The following RBFOX1 variants were observed in gnomAD, a reference collection of about 807,000 sequenced individuals.
The protein encoded by RBFOX1 is RNA binding fox-1 homolog 1, also known as RNA binding protein fox-1 homolog 1.
In RBFOX1, 8 loss-of-function variants were observed where a neutral mutation model predicts 57.7. The observed-to-expected ratio is 0.14, with a 90% CI of 0.08 to 0.25. The LOEUF (loss-of-function observed/expected upper bound fraction) is 0.25, where lower values mean the gene tolerates loss of function less well. Among genes scored for constraint, RBFOX1 ranks in the 10% least tolerant of loss-of-function variants. The pLI, the probability that RBFOX1 is intolerant of heterozygous loss-of-function variation, is 1.00. For missense variants in RBFOX1, 611 were observed against 548.5 expected, an observed-to-expected ratio of 1.11 and a Z score of -1.14; for synonymous variants, 326 against 222.4, an observed-to-expected ratio of 1.47 and a Z score of -4.15.
intron 3 of RBFOX1, among the ~76,000 whole-genome samples, chr16:6,772,163 G>T (rs2154213211): frequency 6.6e-6 from 1 of 152,182 alleles, no homozygotes; most frequent in Admixed American, 6.5e-5. Flanking sequence ...GTTCCGGTGT[G>T]GGCAAAGAGG....
At chr16:6,954,787 G>T (rs2081422391) in intron 3 of RBFOX1, among the ~76,000 whole-genome samples, 1 of 152,140 alleles carries the variant, frequency 6.6e-6, no homozygotes, top group Non-Finnish European at 1.5e-5. Flanking sequence ...TGAGCACCCA[G>T]TTTGAAGGCA....
intron 4 of RBFOX1, among the ~76,000 whole-genome samples, chr16:5,883,201 G>C (rs540507704): frequency 6.6e-6 from 1 of 151,968 alleles, no homozygotes; most frequent in African/African-American, 2.4e-5. Flanking sequence ...TTTTTTGCAG[G>C]AGGAGAGGAT....
intron 14 of RBFOX1, among the ~76,000 whole-genome samples, chr16:7,708,520 T>A (rs1213216203): frequency 1.3e-5 from 2 of 151,846 alleles, no homozygotes. Context: ...GGAATGGGGG[T>A]CCCACAGACC....
At chr16:7,459,020 G>T (rs986435160) in intron 4 of RBFOX1, among the ~76,000 whole-genome samples, 1 of 152,138 alleles carries the variant, frequency 6.6e-6, no homozygotes, top group Non-Finnish European at 1.5e-5. Flanking sequence ...ATGAATGGAT[G>T]GGTGAATGGA....
chr16:5,603,549 TA>T (rs1567285354), downstream of RBFOX1, among the ~76,000 whole-genome samples: 1 of 152,152 alleles, frequency 6.6e-6, no homozygotes, highest in Non-Finnish European at 1.5e-5. Flanking sequence ...TCAGGTAACA[TA>T]AAAATTACAC....
chr16:6,931,812 G>T (rs1268283101), intron 3 of RBFOX1, among the ~76,000 whole-genome samples: 3 of 152,144 alleles, frequency 2.0e-5, no homozygotes, highest in Admixed American at 6.5e-5. Context: ...AGTTTACTCA[G>T]TTATGATTTT....
intron 2 of RBFOX1, among the ~76,000 whole-genome samples, chr16:6,372,092 T>C (rs1294757020): frequency 6.6e-6 from 1 of 151,968 alleles, no homozygotes; most frequent in African/African-American, 2.4e-5. Context: ...GGTGGATGGG[T>C]GGAGTGGAGA....
At chr16:5,558,638 C>T (rs1292095754) in intron 2 of RBFOX1, among the ~76,000 whole-genome samples, 1 of 152,120 alleles carries the variant, frequency 6.6e-6, no homozygotes, top group Non-Finnish European at 1.5e-5. Context: ...AGAATAGTTT[C>T]AGTCTTGAGC....
chr16:7,153,501 C>G lies in RBFOX1; in HGVS notation c.27+101403C>G, dbSNP rs750004360. On this transcript the variant is annotated intron_variant, in intron 4 of 15. Transcript: ENST00000550418. ...TCTGTAATCCCAGCACTTTGGGAGG[C>G]TGCGGCAAGTGAATCACAAGGTCAA... 5.0e-4 allele frequency among the ~76,000 whole-genome samples: 76 copies of G among 151,840 alleles called. 2 individuals are homozygous for G. The highest frequency in any genetic ancestry group is 2.6e-4 in the Admixed American group (4 of 15,236).
At chr16:5,897,189 C>G (rs1272088963) in intron 4 of RBFOX1, among the ~76,000 whole-genome samples, 1 of 151,914 alleles carries the variant, frequency 6.6e-6, no homozygotes, top group African/African-American at 2.4e-5. Context: ...GCGCCCGCCA[C>G]CGCGCCCGGC....
intron 4 of RBFOX1, among the ~76,000 whole-genome samples, chr16:7,347,246 G>T (rs2097029067): frequency 6.6e-6 from 1 of 152,292 alleles, no homozygotes; most frequent in East Asian, 1.9e-4. Context: ...ACATACCGGA[G>T]ACTGGGCAAT....
chr16:7,550,012 C>T (rs1188728465), intron 5 of RBFOX1, among the ~76,000 whole-genome samples: 1 of 152,118 alleles, frequency 6.6e-6, no homozygotes, highest in Non-Finnish European at 1.5e-5. Flanking sequence ...TCACTGCAGC[C>T]TTGTCCTCCT....
chr16:6,731,624 T>C (rs576030601), intron 3 of RBFOX1, among the ~76,000 whole-genome samples: 117 of 152,184 alleles, frequency 7.7e-4, no homozygotes, highest in African/African-American at 2.6e-3. Context: ...TCTTGGGAGC[T>C]GGAGTGTAAA....
intron 3 of RBFOX1, among the ~76,000 whole-genome samples, chr16:7,008,488 T>C (rs1007965498): frequency 1.3e-5 from 2 of 152,012 alleles, no homozygotes; most frequent in African/African-American, 4.8e-5. Flanking sequence ...TGCAGTGATC[T>C]GAGATCATAC....
At chr16:7,562,344 T>G (rs957350740) in intron 5 of RBFOX1, among the ~76,000 whole-genome samples, 1 of 152,208 alleles carries the variant, frequency 6.6e-6, no homozygotes, top group African/African-American at 2.4e-5. Flanking sequence ...GTAGTTCCTC[T>G]GGCTCTTGAA....
chr16:5,449,091 G>T (rs1431476402), intron 1 of RBFOX1, among the ~76,000 whole-genome samples: 1 of 152,108 alleles, frequency 6.6e-6, no homozygotes, highest in African/African-American at 2.4e-5. Context: ...TGCATCTGGT[G>T]CACACTTCTA....
intron 4 of RBFOX1, among the ~76,000 whole-genome samples, chr16:5,876,813 C>A (rs921571184): frequency 2.0e-5 from 3 of 152,234 alleles, no homozygotes; most frequent in African/African-American, 7.2e-5. Context: ...AGCAGAAGTT[C>A]CAGCCTGTCA....
Position 7,518,380 on chromosome 16 carries a change from C to A in RBFOX1, c.261C>A (p.Gly87=), listed in dbSNP as rs755981964. The A allele has an allele frequency of 6.2e-7, 1 of 1,609,218 alleles. No individual in the cohort carries two copies. The highest frequency in any genetic ancestry group is 1.1e-5 in the South Asian group (1 of 90,620). Residue 87 remains glycine, a synonymous_variant, in exon 5 of 16, where the codon GGC becomes GGA. Transcript: ENST00000550418. ...ACACGAGCGCTCAGACCGTCTCTGG[C>A]ACCGCCACAGTAAGTGGACGTGTTT... The part of the protein sequence containing the change: ...PADTSAQTVS[G]TATQTDDAAP...
At chr16:7,704,442 CTGAATGTGTCTGGGAGCAGCT>C (rs998910479) in intron 14 of RBFOX1, among the ~76,000 whole-genome samples, 3 of 152,166 alleles carry the variant, frequency 2.0e-5, no homozygotes, top group African/African-American at 7.2e-5. Context: ...TTGAAGCATC[CTGAATGTGTCTGGGAGCAGCT>C]GACCCAGAGT....
Sources: gnomAD v4.1 joint callset for allele counts (sites outside exome capture counted in the v4.1 genomes callset) on GRCh38, gnomAD v4.1.1 for gene constraint, MANE v1.5 for transcripts, NCBI Gene and HGNC (gene_info 2026-07-23, HGNC 2026-07-21) for gene names.